Variants in SLC39A10 observed in about 807,000 individuals in gnomAD.
SLC39A10 encodes the protein solute carrier family 39 member 10.
SLC39A10 carries 13 observed loss-of-function variants against 65.1 expected under a neutral mutation model. The observed-to-expected ratio is 0.20, with a 90% CI of 0.13 to 0.32. SLC39A10 has a LOEUF of 0.32. Among genes scored for constraint, SLC39A10 ranks in the 10% least tolerant of loss-of-function variants. SLC39A10 has a pLI of 1.00. For missense variants in SLC39A10, 831 were observed against 1,018.4 expected (o/e 0.82, Z 2.50); for synonymous variants, 321 against 342.2 (o/e 0.94, Z 0.68).
In SLC39A10 at chr2:195,715,248, C is replaced by T. The variant is rs536644784; in HGVS notation, c.1697-1389C>T. 4.6e-5 allele frequency among the ~76,000 whole-genome samples: 7 copies of T among 152,068 alleles called. No individual in the cohort carries two copies. In the East Asian group the frequency reaches 1.4e-3, roughly 30 times the overall value. ...TCTCTTAGAAACTCAAGACTAGTGG[C>T]TGGGTGCGGTGGCTCACGCCTGTCA... On this transcript the variant is annotated intron_variant, in intron 6 of 9. Coordinates refer to ENST00000359634, the MANE Select transcript of SLC39A10 (RefSeq NM_020342.3).
chr2:195,698,207 C>G (rs1691044914), intron 3 of SLC39A10, among the ~76,000 whole-genome samples: 1 of 151,970 alleles, frequency 6.6e-6, no homozygotes. Context: ...AAGCAGGCAA[C>G]TTGAAAAATC....
rs542034242 is a variant in SLC39A10, at chr2:195,644,388, C to A, written c.-11-35644C>A. On this transcript the variant is annotated intron_variant, in intron 2 of 2. Transcript: ENST00000458054. ...ACGGAGTCTCGCTCTGTTGCCCAGGCTGGAGTGCAGTGGCACGATCTCGGC... is the reference window on the plus strand; with the variant it reads ...ACGGAGTCTCGCTCTGTTGCCCAGGATGGAGTGCAGTGGCACGATCTCGGC... 1.6e-4 allele frequency among the ~76,000 whole-genome samples: 23 copies of A among 140,042 alleles called. No individual in the cohort carries two copies. The South Asian group carries it at 4.9e-3, about 30-fold the overall frequency. 91.9% of individuals were successfully genotyped at this position (140,042 alleles called of 152,430 possible).
chr2:195,668,093 A>T (rs1689706033), intron 1 of SLC39A10, among the ~76,000 whole-genome samples: 1 of 152,198 alleles, frequency 6.6e-6, no homozygotes, highest in Non-Finnish European at 1.5e-5. Context: ...TCCTAGGCTA[A>T]TCTATCTTCA....
intron 5 of SLC39A10, among the ~76,000 whole-genome samples, chr2:195,710,970 G>A (rs1691584351): frequency 6.6e-6 from 1 of 152,158 alleles, no homozygotes; most frequent in Admixed American, 6.5e-5. Flanking sequence ...GAGGTGGTGG[G>A]GCTTGAGTGA....
At chr2:195,696,079 A>G (rs1315036302) in intron 3 of SLC39A10, among the ~76,000 whole-genome samples, 1 of 152,146 alleles carries the variant, frequency 6.6e-6, no homozygotes, top group African/African-American at 2.4e-5. Flanking sequence ...CACCCTTGTC[A>G]AAAATCATTT....
intron 4 of SLC39A10, among the ~76,000 whole-genome samples, chr2:195,708,150 CCT>C (rs1691474418): frequency 6.6e-6 from 1 of 152,076 alleles, no homozygotes; most frequent in Non-Finnish European, 1.5e-5. Flanking sequence ...AACAACTCCC[CCT>C]GACATAAGTT....
At chr2:195,664,796 TA>T (rs1176106492) in intron 1 of SLC39A10, among the ~76,000 whole-genome samples, 1 of 152,234 alleles carries the variant, frequency 6.6e-6, no homozygotes, top group African/African-American at 2.4e-5. Context: ...TTAAAGTTTT[TA>T]TAGTTTTTCC....
Position 195,735,048 on chromosome 2 carries a change from C to G in SLC39A10, c.*7C>G. ...GTTTGACATCCAGTTTTGACCTTTC[C>G]CAGTAATCACTGTTGATTACGAGAA... On this transcript the variant is annotated 3_prime_UTR_variant, in exon 10 of 10. Coordinates refer to ENST00000359634, the MANE Select transcript of SLC39A10 (RefSeq NM_020342.3). The G allele has an allele frequency of 6.2e-7, 1 of 1,607,960 alleles. No homozygotes were observed. The highest frequency in any genetic ancestry group is 8.5e-7 in the Non-Finnish European group (1 of 1,177,558).
intron 1 of SLC39A10, chr2:195,670,337 C>T (rs995894829): frequency 4.0e-5 from 6 of 151,466 alleles, no homozygotes; most frequent in African/African-American, 1.5e-4. Flanking sequence ...AATACATTAT[C>T]TCACATACCA....
chr2:195,664,195 T>C (rs1036527148), intron 1 of SLC39A10, among the ~76,000 whole-genome samples: 2 of 152,152 alleles, frequency 1.3e-5, no homozygotes, highest in African/African-American at 4.8e-5. Context: ...CTTAAATCTT[T>C]TTCTGTGAAG....
intron 1 of SLC39A10, among the ~76,000 whole-genome samples, chr2:195,666,852 C>T (rs1689656861): frequency 6.6e-6 from 1 of 152,234 alleles, no homozygotes; most frequent in Non-Finnish European, 1.5e-5. Flanking sequence ...ACTGCATTTA[C>T]TAATCTCAGA....
chr2:195,619,213 A>G (rs900555952), intron 2 of SLC39A10, among the ~76,000 whole-genome samples: 1 of 152,074 alleles, frequency 6.6e-6, no homozygotes, highest in Non-Finnish European at 1.5e-5. Context: ...ACCTGAACTT[A>G]GGTAGTAGAG....
chr2:195,678,501 A>G (rs1175083371), intron 1 of SLC39A10, among the ~76,000 whole-genome samples: 1 of 148,314 alleles, frequency 6.7e-6, no homozygotes, highest in East Asian at 2.0e-4. Flanking sequence ...AGTTCCTTAT[A>G]TATTTTTGAG....
At position 195,725,779 on chromosome 2, in the gene SLC39A10, A is replaced by G. The variant is rs147328295; in HGVS notation, c.2147-2380A>G. Among the ~76,000 whole-genome samples the G allele has an allele frequency of 4.3e-3, 652 of 152,308 alleles. 2 individuals are homozygous for G. Among genetic ancestry groups the G allele is most frequent in the Non-Finnish European group, 6.0e-3 (411 of 67,992 alleles). ...CTATGGAATATTACTGAGCAATAAAATAATTTTCTGATATACACAGTAACA... is the reference window on the plus strand; with the variant it reads ...CTATGGAATATTACTGAGCAATAAAGTAATTTTCTGATATACACAGTAACA... On this transcript the variant is annotated intron_variant, in intron 8 of 9. Transcript: ENST00000359634.
intron 1 of SLC39A10, among the ~76,000 whole-genome samples, chr2:195,667,396 A>G (rs1689674543): frequency 6.6e-6 from 1 of 152,224 alleles, no homozygotes; most frequent in Non-Finnish European, 1.5e-5. Context: ...TTCTAATGTC[A>G]GTGAAACTGG....
intron 5 of SLC39A10, among the ~76,000 whole-genome samples, chr2:195,710,473 A>G (rs759728321): frequency 1.3e-5 from 2 of 152,098 alleles, no homozygotes; most frequent in Non-Finnish European, 2.9e-5. Flanking sequence ...TTTTGTTTGC[A>G]TATGTGTGTG....
chr2:195,622,972 CAAAAAA>C lies in SLC39A10; in HGVS notation c.-12+16756_-12+16761del, dbSNP rs11440347. Reference sequence around the variant, plus strand: ...GGGTGACAGAGCGAGACTCCTGTCTCAAAAAAAAAAAAAAAAAAAAAAGAACCAAGT... The same window carrying C: ...GGGTGACAGAGCGAGACTCCTGTCTCAAAAAAAAAAAAAAAAGAACCAAGT... On this transcript the variant is annotated intron_variant, in intron 2 of 2. Coordinates refer to the SLC39A10 transcript ENST00000458054. 2.4e-3 allele frequency among the ~76,000 whole-genome samples: 233 copies of C among 96,862 alleles called. 2 individuals carry two copies. The East Asian group carries it at 0.046, about 19-fold the overall frequency. 63.5% of individuals were successfully genotyped at this position (96,862 alleles called of 152,430 possible). A position where few individuals can be genotyped will look rare whatever the true frequency, so the allele number is the denominator to read the frequency against.
At chr2:195,678,562 GTTTTTT>G (rs61430237) in intron 1 of SLC39A10, among the ~76,000 whole-genome samples, 1 of 128,032 alleles carries the variant, frequency 7.8e-6, no homozygotes, top group Non-Finnish European at 1.7e-5. Context: ...TTTTAGTTAG[GTTTTTT>G]TTTTTTTTTT....
At chr2:195,709,018 G>T (rs1372928690) in intron 5 of SLC39A10, among the ~76,000 whole-genome samples, 174 bp downstream of exon 5, 1 of 151,922 alleles carries the variant, frequency 6.6e-6, no homozygotes, top group Non-Finnish European at 1.5e-5. Context: ...TAAATATGTG[G>T]TTGTTGTTGT....
Sources: gnomAD v4.1 joint callset for allele counts (sites outside exome capture counted in the v4.1 genomes callset) on GRCh38, gnomAD v4.1.1 for gene constraint, MANE v1.5 for transcripts, NCBI Gene and HGNC (gene_info 2026-07-23, HGNC 2026-07-21) for gene names.